Variants in CREB5 observed in about 807,000 individuals in gnomAD.
The protein encoded by CREB5 is cAMP responsive element binding protein 5.
In CREB5, 19 loss-of-function variants were observed where a neutral mutation model predicts 57.1. That is an observed-to-expected ratio of 0.33 (90% confidence interval 0.23 to 0.49). The LOEUF is 0.49. Among genes scored for constraint, CREB5 ranks in the 20% least tolerant of loss-of-function variants. The pLI, the probability that CREB5 is intolerant of heterozygous loss-of-function variation, is 0.99. For missense variants in CREB5, 579 were observed against 671.6 expected, an observed-to-expected ratio of 0.86 and a Z score of 1.52; for synonymous variants, 238 against 238.3, an observed-to-expected ratio of 1.00 and a Z score of 0.01.
chr7:28,562,435 A>G (rs527286310), intron 4 of CREB5, among the ~76,000 whole-genome samples: 1 of 152,250 alleles, frequency 6.6e-6, no homozygotes, highest in Non-Finnish European at 1.5e-5. Flanking sequence ...CCTCAAACCC[A>G]GTATTAGAAA....
At chr7:28,784,243 C>A (rs965580653) in intron 7 of CREB5, among the ~76,000 whole-genome samples, 1 of 152,190 alleles carries the variant, frequency 6.6e-6, no homozygotes, top group African/African-American at 2.4e-5. Flanking sequence ...GCAGGGCCTG[C>A]GAGAGAGACA....
chr7:28,502,023 C>T (rs1194152587), intron 3 of CREB5, among the ~76,000 whole-genome samples: 2 of 152,086 alleles, frequency 1.3e-5, no homozygotes, highest in Non-Finnish European at 2.9e-5. Flanking sequence ...ACCTGGATCA[C>T]CCTGGCCAGG....
chr7:28,383,676 G>T (rs936610479), intron 1 of CREB5, among the ~76,000 whole-genome samples: 2 of 152,116 alleles, frequency 1.3e-5, no homozygotes, highest in African/African-American at 4.8e-5. Flanking sequence ...CAAGGCGATG[G>T]TGCTAAACTA....
chr7:28,753,931 G>A (rs1805128928), intron 7 of CREB5, among the ~76,000 whole-genome samples: 1 of 151,032 alleles, frequency 6.6e-6, no homozygotes, highest in African/African-American at 2.4e-5. Context: ...AAAAAAAGAA[G>A]ACGATCTTTT....
intron 5 of CREB5, among the ~76,000 whole-genome samples, chr7:28,712,840 A>C (rs1802474259): frequency 6.6e-6 from 1 of 152,084 alleles, no homozygotes; most frequent in South Asian, 2.1e-4. Flanking sequence ...GGCCAAAAAT[A>C]GAAATTTTTA....
intron 5 of CREB5, among the ~76,000 whole-genome samples, chr7:28,674,254 A>G (rs1800212886): frequency 6.6e-6 from 1 of 152,116 alleles, no homozygotes; most frequent in Non-Finnish European, 1.5e-5. Context: ...TAGAAGGAGG[A>G]CTATTCTCCC....
At chr7:28,671,616 C>T (rs1407077710) in intron 5 of CREB5, among the ~76,000 whole-genome samples, 1 of 152,084 alleles carries the variant, frequency 6.6e-6, no homozygotes, top group Non-Finnish European at 1.5e-5. Flanking sequence ...GACGGAGAAA[C>T]CAAGAAAGAC....
intron 5 of CREB5, among the ~76,000 whole-genome samples, chr7:28,624,907 C>G (rs954544809): frequency 6.6e-6 from 1 of 151,902 alleles, no homozygotes; most frequent in Non-Finnish European, 1.5e-5. Context: ...CCTACACTGA[C>G]GTGCCTGGAT....
At chr7:28,559,999 A>C (rs1048784374) in intron 4 of CREB5, among the ~76,000 whole-genome samples, 7 of 152,230 alleles carry the variant, frequency 4.6e-5, no homozygotes, top group Non-Finnish European at 1.5e-5. Context: ...GGGGAGAGGA[A>C]GCTAATCATT....
chr7:28,745,760 C>A (rs2128760329), intron 7 of CREB5, among the ~76,000 whole-genome samples: 1 of 152,354 alleles, frequency 6.6e-6, no homozygotes, highest in East Asian at 1.9e-4. Flanking sequence ...TTACCCCTGG[C>A]AGTCCTTGAT....
At chr7:28,509,179 A>AT (rs1437196090) in intron 4 of CREB5, among the ~76,000 whole-genome samples, 1 of 152,202 alleles carries the variant, frequency 6.6e-6, no homozygotes, top group Non-Finnish European at 1.5e-5. Context: ...AAAGATGTGT[A>AT]TTTCATCCAT....
chr7:28,390,386 C>G (rs992812224), intron 1 of CREB5, among the ~76,000 whole-genome samples: 1 of 152,168 alleles, frequency 6.6e-6, no homozygotes, highest in Admixed American at 6.5e-5. Flanking sequence ...CATTATTTCA[C>G]TCTTTTTAAA....
At chr7:28,763,553 A>G (rs920515437) in intron 7 of CREB5, among the ~76,000 whole-genome samples, 6 of 152,148 alleles carry the variant, frequency 3.9e-5, no homozygotes, top group Admixed American at 2.0e-4. Flanking sequence ...TTAGCCTTTA[A>G]AAGCGAGTCT....
At chr7:28,441,399 G>A (rs939555128) in intron 1 of CREB5, among the ~76,000 whole-genome samples, 2 of 152,158 alleles carry the variant, frequency 1.3e-5, no homozygotes, top group African/African-American at 2.4e-5. Context: ...TAAAATGTCT[G>A]CCATTTGCTA....
intron 1 of CREB5, among the ~76,000 whole-genome samples, chr7:28,373,904 C>CATATATATAT (rs10585117): frequency 0.017 from 2,531 of 146,182 alleles, 28 homozygotes; most frequent in Non-Finnish European, 0.028. Context: ...TTTCTGCATC[C>CATATATATAT]ATATATATAT....
At chr7:28,711,574 A>T (rs1359432759) in intron 5 of CREB5, among the ~76,000 whole-genome samples, 1 of 152,178 alleles carries the variant, frequency 6.6e-6, no homozygotes, top group African/African-American at 2.4e-5. Context: ...TCGTGTTCCT[A>T]ATTCTTGCTT....
intron 9 of CREB5, among the ~76,000 whole-genome samples, chr7:28,817,798 G>A (rs1013450445): frequency 2.6e-5 from 4 of 152,134 alleles, no homozygotes; most frequent in Non-Finnish European, 5.9e-5. Flanking sequence ...TTCTCACCTG[G>A]CTTCGGTTCC....
chr7:28,479,922 T>C (rs562016955), intron 1 of CREB5, among the ~76,000 whole-genome samples: 58 of 152,220 alleles, frequency 3.8e-4, no homozygotes, highest in South Asian at 3.5e-3. Context: ...AAAAGACACA[T>C]TTTCAGATGT....
rs1793673096 is a variant in CREB5 at position 28,530,426 on chromosome 7, ACGAAGC to A, written c.291+22691_291+22696del. Among the ~76,000 whole-genome samples the A allele has an allele frequency of 3.9e-5, 6 of 152,206 alleles. No individual in the cohort carries two copies. The South Asian group carries it at 1.2e-3, about 32-fold the overall frequency. On this transcript the variant is annotated intron_variant, in intron 4 of 10. Transcript: ENST00000357727. ...CAGCTTGGGCTGTCGTCCAGGGTGC[ACGAAGC>A]CATAGCCAATGTCAAGGGCTCCTAA...
Sources: gnomAD v4.1 joint callset for allele counts (sites outside exome capture counted in the v4.1 genomes callset) on GRCh38, gnomAD v4.1.1 for gene constraint, MANE v1.5 for transcripts, NCBI Gene and HGNC (gene_info 2026-07-23, HGNC 2026-07-21) for gene names.